SYT9: variants seen among roughly 807,000 people sequenced by gnomAD.
SYT9 encodes the protein synaptotagmin 9, also known as synaptotagmin-9.
SYT9 carries 22 observed loss-of-function variants against 48.4 expected under a neutral mutation model. That is an observed-to-expected ratio of 0.45 (90% confidence interval 0.32 to 0.65). The LOEUF (loss-of-function observed/expected upper bound fraction) is 0.65, where lower values mean the gene tolerates loss of function less well. SYT9 is among the 30% of genes least tolerant of loss of function. The pLI is 0.03. For synonymous variants in SYT9, 265 were observed against 245.0 expected, an observed-to-expected ratio of 1.08 and a Z score of -0.76; for missense variants, 577 against 622.0, an observed-to-expected ratio of 0.93 and a Z score of 0.77.
chr11:7,398,011 A>G (rs1846789844), intron 3 of SYT9, among the ~76,000 whole-genome samples: 3 of 152,318 alleles, frequency 2.0e-5, no homozygotes, highest in Non-Finnish European at 4.4e-5. Flanking sequence ...ACAATATTGA[A>G]CAGAAGAGAT....
chr11:7,370,415 G>A (rs1313750381), intron 3 of SYT9, among the ~76,000 whole-genome samples: 1 of 152,114 alleles, frequency 6.6e-6, no homozygotes, highest in Admixed American at 6.6e-5. Flanking sequence ...ATTTAAAGTA[G>A]ATTAGTGGTT....
At chr11:7,391,554 T>C (rs932720200) in intron 3 of SYT9, among the ~76,000 whole-genome samples, 3 of 151,742 alleles carry the variant, frequency 2.0e-5, no homozygotes, top group African/African-American at 7.3e-5. Context: ...GTGGTTTTCA[T>C]TGAGCATTTT....
intron 3 of SYT9, among the ~76,000 whole-genome samples, chr11:7,392,374 A>G (rs990442941): frequency 2.0e-5 from 3 of 152,032 alleles, no homozygotes; most frequent in African/African-American, 7.2e-5. Flanking sequence ...TCTTTTTGCC[A>G]TTGCTTATTT....
At chr11:7,330,257 T>C (rs1320486471) in intron 3 of SYT9, among the ~76,000 whole-genome samples, 2 of 152,058 alleles carry the variant, frequency 1.3e-5, no homozygotes, top group Non-Finnish European at 2.9e-5. Flanking sequence ...ATAGCATGGA[T>C]GGATATCAGG....
chr11:7,433,037 G>A (rs539883840), intron 6 of SYT9, among the ~76,000 whole-genome samples: 1 of 152,288 alleles, frequency 6.6e-6, no homozygotes, highest in Non-Finnish European at 1.5e-5. Context: ...GGTGAGAAGT[G>A]TTTGGATAAT....
chr11:7,415,950 G>A (rs889170986), intron 3 of SYT9, 92 bp from the exon 4 acceptor site: 14 of 1,500,788 alleles, frequency 9.3e-6, no homozygotes, highest in African/African-American at 4.1e-5. Flanking sequence ...AAAAGGGGCA[G>A]TGTGTTCCCT....
At chr11:7,311,238 G>A (rs1369435944) in intron 2 of SYT9, among the ~76,000 whole-genome samples, 1 of 152,188 alleles carries the variant, frequency 6.6e-6, no homozygotes, top group South Asian at 2.1e-4. Flanking sequence ...GGAGGTGGAG[G>A]TTGCAGGGAG....
At chr11:7,460,549 C>T (rs1848217977) in intron 6 of SYT9, among the ~76,000 whole-genome samples, 1 of 152,030 alleles carries the variant, frequency 6.6e-6, no homozygotes, top group South Asian at 2.1e-4. Context: ...CAAATAAAAT[C>T]TTATACATTT....
chr11:7,418,200 C>G (rs1847288509), intron 5 of SYT9, 72 bp downstream of exon 5: 1 of 1,524,784 alleles, frequency 6.6e-7, no homozygotes, highest in African/African-American at 1.4e-5. Flanking sequence ...GGGGGAGCAG[C>G]AGCCACAGAT....
intron 3 of SYT9, among the ~76,000 whole-genome samples, chr11:7,343,209 T>A: frequency 6.6e-6 from 1 of 152,238 alleles, no homozygotes; most frequent in East Asian, 1.9e-4. Context: ...CTTATGCAAA[T>A]TTCTACAGCA....
intron 6 of SYT9, chr11:7,453,974 C>T: frequency 1.0e-6 from 1 of 985,254 alleles, no homozygotes; most frequent in Non-Finnish European, 1.2e-6. Context: ...CAGCAGGCAC[C>T]CTCTGTGGTC....
intron 3 of SYT9, among the ~76,000 whole-genome samples, chr11:7,394,165 T>G (rs892504687): frequency 2.7e-5 from 4 of 147,084 alleles, no homozygotes; most frequent in African/African-American, 9.9e-5. Context: ...CCTGTGTCCA[T>G]GTGTTCTCAT....
chr11:7,452,698 A>G (rs763437193), intron 6 of SYT9, among the ~76,000 whole-genome samples: 12 of 152,122 alleles, frequency 7.9e-5, no homozygotes, highest in Non-Finnish European at 1.3e-4. Context: ...CAATGGAGCC[A>G]GTTGCCCAGA....
intron 3 of SYT9, among the ~76,000 whole-genome samples, chr11:7,383,747 T>C (rs1850607698): frequency 6.6e-6 from 1 of 152,156 alleles, no homozygotes; most frequent in Admixed American, 6.5e-5. Context: ...GAACAGAAAA[T>C]TGAGAAACTG....
At chr11:7,391,271 G>T (rs1159611230) in intron 3 of SYT9, among the ~76,000 whole-genome samples, 1 of 152,034 alleles carries the variant, frequency 6.6e-6, no homozygotes, top group Non-Finnish European at 1.5e-5. Flanking sequence ...GAACATACAA[G>T]TGCACCCCTC....
intron 3 of SYT9, among the ~76,000 whole-genome samples, chr11:7,330,923 C>T (rs1849516428): frequency 6.6e-6 from 1 of 152,072 alleles, no homozygotes; most frequent in African/African-American, 2.4e-5. Context: ...TCTTGAACTC[C>T]TGACCTCAAG....
chr11:7,312,419 G>A (rs75966853), intron 2 of SYT9, among the ~76,000 whole-genome samples: 2 of 152,076 alleles, frequency 1.3e-5, no homozygotes. Context: ...GTTGTTGAGC[G>A]AATGCATACA....
intron 3 of SYT9, among the ~76,000 whole-genome samples, chr11:7,332,292 G>A (rs1849550639): frequency 6.6e-6 from 1 of 152,172 alleles, no homozygotes; most frequent in Non-Finnish European, 1.5e-5. Flanking sequence ...TGGGCTGTAG[G>A]ACTCCTCTGG....
intron 6 of SYT9, among the ~76,000 whole-genome samples, chr11:7,459,357 G>T (rs1160240870): frequency 1.3e-5 from 2 of 152,172 alleles, no homozygotes; most frequent in Non-Finnish European, 2.9e-5. Context: ...AGAGGTCCCA[G>T]GACTAAGAAC....
Sources: allele counts gnomAD v4.1 joint callset (sites outside exome capture counted in the v4.1 genomes callset), GRCh38; gene constraint gnomAD v4.1.1; transcripts MANE v1.5; gene names NCBI Gene and HGNC (gene_info 2026-07-23, HGNC 2026-07-21).